The following SUPT3H variants were observed in gnomAD, a reference collection of about 807,000 sequenced individuals.
SUPT3H encodes transcription initiation protein SPT3 homolog.
SUPT3H carries 44 observed loss-of-function variants against 44.3 expected under a neutral mutation model. The ratio of observed to expected loss-of-function variants is 0.99; its 90% confidence interval spans 0.78 to 1.28. The LOEUF (loss-of-function observed/expected upper bound fraction) is 1.28. Among genes scored for constraint, SUPT3H ranks in the 50% most tolerant of loss-of-function variants. The pLI, the probability that SUPT3H is intolerant of heterozygous loss-of-function variation, is 0.00. For synonymous variants in SUPT3H, 124 were observed against 125.6 expected (o/e 0.99, Z 0.09); for missense variants, 380 against 387.1 (o/e 0.98, Z 0.15).
intron 2 of SUPT3H, among the ~76,000 whole-genome samples, chr6:45,160,748 C>T (rs1808812174): frequency 6.6e-6 from 1 of 152,048 alleles, no homozygotes; most frequent in East Asian, 1.9e-4. Context: ...GTAGGCAATA[C>T]AAAAATTTGT....
At chr6:44,845,774 AG>A (rs1460041596) in intron 10 of SUPT3H, among the ~76,000 whole-genome samples, 5 of 152,198 alleles carry the variant, frequency 3.3e-5, no homozygotes. Context: ...ACCCGACACC[AG>A]GGGAAAATAT....
chr6:44,878,068 G>A (rs1160070212), intron 10 of SUPT3H, among the ~76,000 whole-genome samples: 6 of 152,212 alleles, frequency 3.9e-5, no homozygotes, highest in Non-Finnish European at 7.3e-5. Flanking sequence ...TTCCAGGACA[G>A]AATGCTAACA....
chr6:45,212,540 TGTGTGTGTA>T, intron 2 of SUPT3H, among the ~76,000 whole-genome samples: 1 of 147,226 alleles, frequency 6.8e-6, no homozygotes. Flanking sequence ...TGTGTGTGTG[TGTGTGTGTA>T]TTGACTCTAC....
chr6:45,102,860 A>T (rs930166175), intron 3 of SUPT3H, among the ~76,000 whole-genome samples: 1 of 151,838 alleles, frequency 6.6e-6, no homozygotes, highest in African/African-American at 2.4e-5. Context: ...AATCGCTTGA[A>T]CCCAGGAGTT....
intron 3 of SUPT3H, among the ~76,000 whole-genome samples, chr6:45,041,926 G>A (rs1411902581): frequency 1.4e-4 from 21 of 152,128 alleles, no homozygotes; most frequent in Admixed American, 1.4e-3. Context: ...AGATACCATG[G>A]TACGCAGGCC....
intron 10 of SUPT3H, among the ~76,000 whole-genome samples, chr6:44,891,002 G>A (rs920372752): frequency 1.3e-5 from 2 of 151,860 alleles, no homozygotes; most frequent in South Asian, 2.1e-4. Flanking sequence ...TAGGGGAGGG[G>A]TAACATTAGG....
intron 7 of SUPT3H, among the ~76,000 whole-genome samples, chr6:44,959,744 T>C (rs1261422692): frequency 6.6e-6 from 1 of 152,164 alleles, no homozygotes; most frequent in African/African-American, 2.4e-5. Flanking sequence ...GCCTATAAAG[T>C]TACAGACTCA....
chr6:45,306,832 C>T (rs547185065), intron 2 of SUPT3H, among the ~76,000 whole-genome samples: 10 of 152,308 alleles, frequency 6.6e-5, no homozygotes, highest in South Asian at 2.1e-4. Context: ...CAAAGCAGGG[C>T]GAGGCATCGC....
chr6:45,037,303 A>AG (rs1377932351), intron 3 of SUPT3H, among the ~76,000 whole-genome samples: 1 of 151,676 alleles, frequency 6.6e-6, no homozygotes, highest in Non-Finnish European at 1.5e-5. Flanking sequence ...GAAAAGATGC[A>AG]GAAAAAAAAA....
At chr6:45,293,963 G>A (rs139156318) in intron 2 of SUPT3H, among the ~76,000 whole-genome samples, 2 of 152,040 alleles carry the variant, frequency 1.3e-5, no homozygotes, top group Non-Finnish European at 2.9e-5. Context: ...GAGAAAGAGG[G>A]AACCCTCCCT....
chr6:45,170,240 T>G (rs1810549945), intron 2 of SUPT3H, among the ~76,000 whole-genome samples: 1 of 152,208 alleles, frequency 6.6e-6, no homozygotes, highest in African/African-American at 2.4e-5. Context: ...GAAAAAATCA[T>G]TTCTGAATAA....
chr6:44,828,053 C>T lies in SUPT3H; in HGVS notation c.*1763G>A, dbSNP rs755. 0.25 allele frequency among the ~76,000 whole-genome samples: 38,395 copies of T among 151,898 alleles called. 5,128 individuals carry two copies. Among genetic ancestry groups the T allele is most frequent in the Non-Finnish European group, 0.29 (19,478 of 67,900 alleles). ...AAAAACCCAAACCCTATATTTTCTGCCTTGTGCATACTTTAAAATGTATAA... is the reference window on the plus strand; with the variant it reads ...AAAAACCCAAACCCTATATTTTCTGTCTTGTGCATACTTTAAAATGTATAA... On this transcript the variant is annotated 3_prime_UTR_variant, in exon 11 of 11. Transcript: ENST00000371459.
chr6:45,072,884 A>G (rs1794569604), intron 3 of SUPT3H, among the ~76,000 whole-genome samples: 1 of 152,016 alleles, frequency 6.6e-6, no homozygotes, highest in Admixed American at 6.6e-5. Flanking sequence ...AACTCAGGAA[A>G]TAACAGCTGT....
rs78464368 is a variant in SUPT3H at position 45,038,272 on chromosome 6, C to G, written c.187-17640G>C. Among the ~76,000 whole-genome samples the G allele has an allele frequency of 1.9e-3, 286 of 152,264 alleles. 9 individuals are homozygous for G. The East Asian group carries it at 0.046, about 25-fold the overall frequency. ...TGCTAGCTGGCTTGTTCAGAGGGTA[C>G]TCAAATTAATTCATCAAGGTCCTCC... On this transcript the variant is annotated intron_variant, in intron 3 of 10. Transcript: ENST00000371459.
At chr6:44,955,966 A>C (rs1233282035) in intron 7 of SUPT3H, among the ~76,000 whole-genome samples, 1 of 150,940 alleles carries the variant, frequency 6.6e-6, no homozygotes, top group Non-Finnish European at 1.5e-5. Flanking sequence ...TAAAAATACA[A>C]AAAAAATTAG....
intron 3 of SUPT3H, among the ~76,000 whole-genome samples, chr6:45,029,984 C>T (rs940521397): frequency 5.9e-5 from 9 of 152,124 alleles, no homozygotes; most frequent in African/African-American, 1.7e-4. Context: ...AGGCTGTTTT[C>T]GAACTCCTTG....
intron 3 of SUPT3H, among the ~76,000 whole-genome samples, chr6:45,070,889 A>G (rs1794285959): frequency 6.6e-6 from 1 of 152,194 alleles, no homozygotes. Flanking sequence ...TTAAGTTCAC[A>G]GGAAACAAAG....
chr6:45,282,572 A>T (rs1778353502), intron 2 of SUPT3H, among the ~76,000 whole-genome samples: 1 of 152,230 alleles, frequency 6.6e-6, no homozygotes, highest in Admixed American at 6.5e-5. Flanking sequence ...CCTCCAAGAA[A>T]TATGGGACTA....
intron 2 of SUPT3H, among the ~76,000 whole-genome samples, chr6:45,176,292 C>T (rs1316485819): frequency 6.6e-6 from 1 of 151,690 alleles, no homozygotes; most frequent in Non-Finnish European, 1.5e-5. Flanking sequence ...ACTTCCCTTT[C>T]CGAGTCAAAG....
Sources: gnomAD v4.1 joint callset for allele counts (sites outside exome capture counted in the v4.1 genomes callset) on GRCh38, gnomAD v4.1.1 for gene constraint, MANE v1.5 for transcripts, NCBI Gene and HGNC (gene_info 2026-07-23, HGNC 2026-07-21) for gene names.